The following MDGA2 variants were observed in gnomAD, a reference collection of about 807,000 sequenced individuals.
MDGA2 encodes the protein MAM domain-containing glycosylphosphatidylinositol anchor protein 2.
In MDGA2, 40 loss-of-function variants were observed where a neutral mutation model predicts 117.8. The observed-to-expected ratio is 0.34, with a 90% CI of 0.26 to 0.44. The LOEUF (loss-of-function observed/expected upper bound fraction) is 0.44. Ranked by LOEUF, MDGA2 falls within the 20% of genes least tolerant of loss-of-function variation. The pLI, the probability that MDGA2 is intolerant of heterozygous loss-of-function variation, is 1.00. For synonymous variants in MDGA2, 452 were observed against 439.0 expected, an observed-to-expected ratio of 1.03 and a Z score of -0.37; for missense variants, 1,123 against 1,250.6, an observed-to-expected ratio of 0.90 and a Z score of 1.54.
chr14:47,019,518 G>A (rs1318205612), intron 8 of MDGA2, among the ~76,000 whole-genome samples: 2 of 152,082 alleles, frequency 1.3e-5, no homozygotes, highest in Non-Finnish European at 2.9e-5. Context: ...AAAGGGATTT[G>A]GAACAATCAA....
chr14:47,429,346 G>A (rs1238839803), intron 1 of MDGA2, among the ~76,000 whole-genome samples: 2 of 151,790 alleles, frequency 1.3e-5, no homozygotes, highest in Non-Finnish European at 2.9e-5. Flanking sequence ...AGACAGTTTT[G>A]ATATTTAGTT....
chr14:47,588,739 AATTTATCTAT>A (rs1192288733), intron 1 of MDGA2, among the ~76,000 whole-genome samples: 2 of 151,944 alleles, frequency 1.3e-5, no homozygotes, highest in Non-Finnish European at 2.9e-5. Flanking sequence ...AATGAAGTCC[AATTTATCTAT>A]ATATATTAGG....
chr14:46,846,179 G>GA (rs1346634900), intron 15 of MDGA2, among the ~76,000 whole-genome samples: 1 of 152,010 alleles, frequency 6.6e-6, no homozygotes, highest in Non-Finnish European at 1.5e-5. Context: ...TTAAGGATAA[G>GA]AAAAAATGTT....
At chr14:47,238,932 G>A (rs557497668) in intron 2 of MDGA2, among the ~76,000 whole-genome samples, 1 of 151,768 alleles carries the variant, frequency 6.6e-6, no homozygotes, top group East Asian at 1.9e-4. Flanking sequence ...GAGGTAGAAA[G>A]TTTAAAATGG....
At chr14:47,672,641 T>A (rs1167189940) in intron 1 of MDGA2, among the ~76,000 whole-genome samples, 1 of 151,830 alleles carries the variant, frequency 6.6e-6, no homozygotes, top group Non-Finnish European at 1.5e-5. Flanking sequence ...ACATACAAAT[T>A]TAAAAAACAA....
At chr14:46,868,553 G>C (rs1158812749) in intron 14 of MDGA2, among the ~76,000 whole-genome samples, 1 of 151,948 alleles carries the variant, frequency 6.6e-6, no homozygotes. Flanking sequence ...ATATATCCTT[G>C]AGGTCCTGTT....
At chr14:47,341,341 G>A (rs539563253) in intron 1 of MDGA2, among the ~76,000 whole-genome samples, 1 of 152,170 alleles carries the variant, frequency 6.6e-6, no homozygotes, top group Non-Finnish European at 1.5e-5. Context: ...GGCCAAATAA[G>A]CTGATTTTAC....
chr14:46,989,811 T>G (rs891380304), intron 8 of MDGA2, among the ~76,000 whole-genome samples: 4 of 152,078 alleles, frequency 2.6e-5, no homozygotes, highest in Admixed American at 6.6e-5. Flanking sequence ...CATGAATATT[T>G]CATAAAATCA....
intron 9 of MDGA2, among the ~76,000 whole-genome samples, chr14:46,927,999 G>T (rs1884396025): frequency 6.6e-6 from 1 of 151,980 alleles, no homozygotes; most frequent in Non-Finnish European, 1.5e-5. Context: ...ACAAATCACT[G>T]GGATCTTTAA....
At chr14:46,879,374 A>G (rs1882357589) in intron 11 of MDGA2, among the ~76,000 whole-genome samples, 1 of 152,106 alleles carries the variant, frequency 6.6e-6, no homozygotes, top group African/African-American at 2.4e-5. Context: ...GCCTCCCACT[A>G]TGGTATTTTG....
In MDGA2 at chr14:46,857,093, G is replaced by C. The variant is rs1881298106; in HGVS notation, c.2753-1939C>G. Among the ~76,000 whole-genome samples, 6 of 151,884 alleles carry C rather than the reference G, an allele frequency of 4.0e-5. No individual in the cohort carries two copies. The South Asian group carries it at 1.2e-3, about 32-fold the overall frequency. On this transcript the variant is annotated intron_variant, in intron 14 of 16. Transcript: ENST00000399232. The stretch of plus-strand genomic sequence containing the variant: ...TTACTCAAATATATCTTTTACTTTT[G>C]TTTACATTGTAAACCTTACCTTCCG...
At chr14:47,455,969 C>T (rs1389036361) in intron 1 of MDGA2, among the ~76,000 whole-genome samples, 1 of 151,288 alleles carries the variant, frequency 6.6e-6, no homozygotes, top group Non-Finnish European at 1.5e-5. Flanking sequence ...TGCACTCCAG[C>T]CTGGGCAACA....
intron 1 of MDGA2, among the ~76,000 whole-genome samples, chr14:47,491,534 G>A (rs1420660121): frequency 6.6e-6 from 1 of 152,098 alleles, no homozygotes; most frequent in African/African-American, 2.4e-5. Context: ...TGCTTAAGCA[G>A]AAGACTTACT....
Position 47,052,468 on chromosome 14 carries a change from T to C in MDGA2, c.1525+8781A>G, listed in dbSNP as rs370254791. On this transcript the variant is annotated intron_variant, in intron 7 of 16. Transcript: ENST00000399232. The stretch of plus-strand genomic sequence containing the variant: ...TATTGGAGTATTTTCAGTTGATAAT[T>C]GGAGGGAAATTATAAATCCAATGTT... Among the ~76,000 whole-genome samples the C allele has an allele frequency of 5.3e-5, 8 of 151,868 alleles. No individual in the cohort carries two copies. The East Asian group carries it at 1.3e-3, about 26-fold the overall frequency.
intron 2 of MDGA2, among the ~76,000 whole-genome samples, chr14:47,240,108 G>C (rs113941926): frequency 6.6e-6 from 1 of 151,568 alleles, no homozygotes; most frequent in South Asian, 2.1e-4. Flanking sequence ...GCAGTGGCAC[G>C]ATCTCGGCTC....
Position 47,535,279 on chromosome 14 carries a change from T to C in MDGA2, c.280+139238A>G, listed in dbSNP as rs1895187020. ...AACACGATGTCCTTTTTAGGGCAAA[T>C]TCATTGTTCTGGAAGAAGCCATTTT... On this transcript the variant is annotated intron_variant, in intron 1 of 16. Transcript: ENST00000399232. 2.0e-5 allele frequency among the ~76,000 whole-genome samples: 3 copies of C among 152,358 alleles called. No homozygotes were observed. The South Asian group carries it at 6.2e-4, about 32-fold the overall frequency.
chr14:46,973,218 A>C (rs1257719393), intron 8 of MDGA2, among the ~76,000 whole-genome samples: 1 of 152,142 alleles, frequency 6.6e-6, no homozygotes, highest in Non-Finnish European at 1.5e-5. Context: ...GTTTCTTACA[A>C]AAGTATACAT....
At chr14:46,926,373 T>C (rs1213812299) in intron 9 of MDGA2, among the ~76,000 whole-genome samples, 1 of 151,842 alleles carries the variant, frequency 6.6e-6, no homozygotes, top group Non-Finnish European at 1.5e-5. Flanking sequence ...CTAATTTAAA[T>C]GTATACTGAA....
intron 4 of MDGA2, among the ~76,000 whole-genome samples, chr14:47,133,846 T>G (rs1318926447): frequency 1.3e-5 from 2 of 152,004 alleles, no homozygotes; most frequent in Non-Finnish European, 2.9e-5. Flanking sequence ...TCAATCCCAA[T>G]TATTCTTTGT....
Sources: gnomAD v4.1 joint callset for allele counts (sites outside exome capture counted in the v4.1 genomes callset) on GRCh38, gnomAD v4.1.1 for gene constraint, MANE v1.5 for transcripts, NCBI Gene and HGNC (gene_info 2026-07-23, HGNC 2026-07-21) for gene names.